GRIK2: variants seen among roughly 807,000 people sequenced by gnomAD.
GRIK2 encodes the protein glutamate receptor ionotropic, kainate 2.
GRIK2 carries 32 observed loss-of-function variants against 100.3 expected under a neutral mutation model. The observed-to-expected ratio is 0.32, with a 90% confidence interval of 0.24 to 0.43. The LOEUF (loss-of-function observed/expected upper bound fraction) is 0.43. GRIK2 is among the 20% of genes least tolerant of loss of function. The probability of loss-of-function intolerance (pLI) is 1.00; values close to 1 mark genes in which losing one functional copy is unlikely to be tolerated. For synonymous variants in GRIK2, 417 were observed against 389.4 expected (o/e 1.07, Z -0.83); for missense variants, 843 against 1,114.9 (o/e 0.76, Z 3.47).
intron 2 of GRIK2, among the ~76,000 whole-genome samples, chr6:101,559,252 G>A (rs1029327760): frequency 1.3e-5 from 2 of 151,930 alleles, no homozygotes; most frequent in Admixed American, 6.6e-5. Context: ...ATAGCTAAGT[G>A]TATTTAATAA....
intron 8 of GRIK2, among the ~76,000 whole-genome samples, chr6:101,800,146 A>G (rs1780582709): frequency 6.6e-6 from 1 of 152,020 alleles, no homozygotes; most frequent in East Asian, 1.9e-4. Flanking sequence ...AATTATACCT[A>G]ATTTGTGAGG....
intron 8 of GRIK2, among the ~76,000 whole-genome samples, chr6:101,800,002 G>C (rs970919687): frequency 1.3e-5 from 2 of 151,950 alleles, no homozygotes; most frequent in Admixed American, 6.6e-5. Context: ...ATCTATGAGG[G>C]TTAGCATTTA....
At chr6:101,711,679 C>T (rs1035333932) in intron 7 of GRIK2, among the ~76,000 whole-genome samples, 5 of 151,738 alleles carry the variant, frequency 3.3e-5, no homozygotes, top group Admixed American at 2.0e-4. Context: ...GTGCTATTGA[C>T]ATACATGTAA....
chr6:101,544,444 A>T (rs1324660260), intron 2 of GRIK2, among the ~76,000 whole-genome samples: 2 of 152,106 alleles, frequency 1.3e-5, no homozygotes, highest in African/African-American at 4.8e-5. Context: ...GGGGAATGAA[A>T]ACCAGGTTTT....
rs537991201 is a variant in GRIK2, at chr6:101,448,825, A to G, written c.115+49433A>G. Among the ~76,000 whole-genome samples the G allele has an allele frequency of 1.3e-5, 2 of 151,790 alleles. 1 individual carries two copies. Among genetic ancestry groups the G allele is most frequent in the South Asian group, 4.1e-4 (2 of 4,820 alleles). On this transcript the variant is annotated intron_variant, in intron 2 of 16. Coordinates refer to ENST00000369134, the MANE Select transcript of GRIK2 (RefSeq NM_021956.5). Reference sequence around the variant, plus strand: ...AGTCCATAGCTTGGACTTTGGGTAGAAGCATATGGCTAGAAAGTCCTTTAT... The same window carrying G: ...AGTCCATAGCTTGGACTTTGGGTAGGAGCATATGGCTAGAAAGTCCTTTAT...
At chr6:101,480,429 C>CCT (rs1772467738) in intron 2 of GRIK2, among the ~76,000 whole-genome samples, 2 of 152,102 alleles carry the variant, frequency 1.3e-5, no homozygotes, top group South Asian at 4.1e-4. Context: ...CTCTTAGCAT[C>CCT]CTATCTTTCT....
At chr6:101,509,289 T>C (rs905458427) in intron 2 of GRIK2, among the ~76,000 whole-genome samples, 1 of 152,104 alleles carries the variant, frequency 6.6e-6, no homozygotes, top group Non-Finnish European at 1.5e-5. Context: ...TCCAGGATAG[T>C]GCTAAGTAGG....
At chr6:101,826,188 C>A (rs1782316929) in intron 10 of GRIK2, among the ~76,000 whole-genome samples, 1 of 151,960 alleles carries the variant, frequency 6.6e-6, no homozygotes, top group East Asian at 1.9e-4. Context: ...GAGAAGTAAT[C>A]AAGAACATTT....
In GRIK2 at chr6:101,399,844, A is replaced by G. The variant is rs1180937798; in HGVS notation, c.115+452A>G. Among the ~76,000 whole-genome samples the G allele has an allele frequency of 3.3e-5, 5 of 152,308 alleles. No homozygotes were observed. The East Asian group carries it at 9.7e-4, about 30-fold the overall frequency. On this transcript the variant is annotated intron_variant, in intron 2 of 16. Transcript: ENST00000369134. ...TTGCGCCTGTCCGCTTCCGCCAGTG[A>G]CCAGGGCAGTTCTCACGTGCAAATG...
Position 102,068,390 on chromosome 6 carries a change from TG to T in GRIK2, c.2607del (p.Lys870SerfsTer6), listed in dbSNP as rs1772121797. ...ATGGTAGAAGAATTGAGGATGTCCC[TG>T]AAGTGCCAGCGTCGGTTAAAACATA... ...SAMVEELRMS[L>X]KCQRRLKHKP... is the part of the protein sequence containing the mutation. On this transcript the variant is annotated frameshift_variant, in exon 17 of 17. Transcript: ENST00000369134. LOFTEE classifies it high-confidence loss of function. The T allele has an allele frequency of 1.2e-6, 2 of 1,611,948 alleles. No individual in the cohort carries two copies. Among genetic ancestry groups the T allele is most frequent in the Admixed American group, 3.3e-5 (2 of 59,808 alleles).
Position 101,559,819 on chromosome 6 carries a change from TTTAC to T in GRIK2, c.116-62123_116-62120del, listed in dbSNP as rs555371342. Reference sequence around the variant, plus strand: ...ATATGCTTTGAATACAACTGCTGGTTTTACTTACTTCATAGTTCAGTGTGAAAGG... The same window carrying T: ...ATATGCTTTGAATACAACTGCTGGTTTTACTTCATAGTTCAGTGTGAAAGG... On this transcript the variant is annotated intron_variant, in intron 2 of 16. Coordinates refer to ENST00000369134, the MANE Select transcript of GRIK2 (RefSeq NM_021956.5). Among the ~76,000 whole-genome samples the T allele has an allele frequency of 3.6e-3, 544 of 152,226 alleles. 4 individuals are homozygous for T. Among genetic ancestry groups the T allele is most frequent in the African/African-American group, 0.013 (525 of 41,562 alleles).
intron 7 of GRIK2, among the ~76,000 whole-genome samples, chr6:101,740,587 G>C (rs1775960037): frequency 1.3e-5 from 2 of 152,030 alleles, no homozygotes; most frequent in African/African-American, 4.8e-5. Flanking sequence ...ATACGTATTA[G>C]TCTGTTTTGT....
intron 2 of GRIK2, among the ~76,000 whole-genome samples, chr6:101,553,087 CAT>C (rs1450786025): frequency 1.3e-5 from 2 of 152,060 alleles, no homozygotes; most frequent in African/African-American, 2.4e-5. Context: ...TGGAAGGAAA[CAT>C]AAAATGTCTT....
chr6:101,746,101 G>A (rs1776405027), intron 7 of GRIK2, among the ~76,000 whole-genome samples: 2 of 152,094 alleles, frequency 1.3e-5, no homozygotes, highest in African/African-American at 2.4e-5. Flanking sequence ...CAGCCAGCTA[G>A]GCAAGTGAAG....
At chr6:101,600,629 A>G (rs608729) in intron 2 of GRIK2, among the ~76,000 whole-genome samples, 45,238 of 151,424 alleles carry the variant, frequency 0.3, 7,470 homozygotes, top group African/African-American at 0.43. Flanking sequence ...TGTTGGTTAC[A>G]TGTAGTTGAA....
In GRIK2 at chr6:102,049,207, C is replaced by CA. The variant is rs564647006; in HGVS notation, c.2312-6117dup. On this transcript the variant is annotated intron_variant, in intron 15 of 16. Transcript: ENST00000369134. Reference sequence around the variant, plus strand: ...AGCAATAGATGAAAAAGGGAACCTACAAAAAATACAAATTGGTAAGCTGTG... The same window carrying CA: ...AGCAATAGATGAAAAAGGGAACCTACAAAAAAATACAAATTGGTAAGCTGTG... Among the ~76,000 whole-genome samples the CA allele has an allele frequency of 1.4e-3, 214 of 151,800 alleles. 2 individuals carry two copies. Among genetic ancestry groups the CA allele is most frequent in the African/African-American group, 4.8e-3 (197 of 41,418 alleles).
intron 7 of GRIK2, among the ~76,000 whole-genome samples, chr6:101,760,770 A>C (rs1777600180): frequency 7.7e-6 from 1 of 129,978 alleles, no homozygotes; most frequent in Non-Finnish European, 1.6e-5. Context: ...ATATAAATCA[A>C]GGTTAACACA....
At chr6:101,485,653 C>A (rs989466) in intron 2 of GRIK2, among the ~76,000 whole-genome samples, 67,076 of 151,774 alleles carry the variant, frequency 0.44, 14,963 homozygotes, top group East Asian at 0.47. Context: ...TACAACGGTC[C>A]GGGAAGTTTT....
chr6:101,612,233 A>G (rs1209242163), intron 2 of GRIK2, among the ~76,000 whole-genome samples: 2 of 151,868 alleles, frequency 1.3e-5, no homozygotes, highest in African/African-American at 4.8e-5. Flanking sequence ...GGTTCTTTGG[A>G]CTAAGAATTA....
Sources: allele counts gnomAD v4.1 joint callset (sites outside exome capture counted in the v4.1 genomes callset), GRCh38; gene constraint gnomAD v4.1.1; transcripts MANE v1.5; gene names NCBI Gene and HGNC (gene_info 2026-07-23, HGNC 2026-07-21).